Variants in GRM7 observed in about 807,000 individuals in gnomAD.
GRM7 encodes the protein glutamate metabotropic receptor 7.
A neutral mutation model predicts 84.5 loss-of-function variants in GRM7; 35 were observed. The ratio of observed to expected loss-of-function variants is 0.41; its 90% confidence interval spans 0.32 to 0.55. GRM7 has a LOEUF of 0.55. Among genes scored for constraint, GRM7 ranks in the 20% least tolerant of loss-of-function variants. The pLI is 0.19. For synonymous variants in GRM7, 487 were observed against 455.1 expected (o/e 1.07, Z -0.89); for missense variants, 1,003 against 1,194.6 (o/e 0.84, Z 2.36).
At chr3:7,238,967 AT>A (rs1178080026) in intron 2 of GRM7, among the ~76,000 whole-genome samples, 1 of 84,506 alleles carries the variant, frequency 1.2e-5, no homozygotes, top group Non-Finnish European at 2.5e-5. Context: ...TTTTTCTTTT[AT>A]TATTCTTTTC....
At chr3:7,513,289 C>A (rs947777918) in intron 7 of GRM7, among the ~76,000 whole-genome samples, 1 of 152,166 alleles carries the variant, frequency 6.6e-6, no homozygotes, top group Non-Finnish European at 1.5e-5. Context: ...GGATTAAAAT[C>A]ATTGGCAAAG....
At chr3:7,100,812 C>A (rs2125021377) in intron 1 of GRM7, among the ~76,000 whole-genome samples, 1 of 151,882 alleles carries the variant, frequency 6.6e-6, no homozygotes, top group East Asian at 1.9e-4. Flanking sequence ...CCTAAAAAGG[C>A]AAATCGTGTT....
chr3:7,562,251 G>C (rs986662442), intron 7 of GRM7, among the ~76,000 whole-genome samples: 11 of 152,090 alleles, frequency 7.2e-5, no homozygotes, highest in Middle Eastern at 3.4e-3. Context: ...GAAACAGTAT[G>C]CCAGTCAGCA....
chr3:7,395,649 T>C (rs1190191565), intron 4 of GRM7, among the ~76,000 whole-genome samples: 1 of 152,156 alleles, frequency 6.6e-6, no homozygotes, highest in East Asian at 1.9e-4. Flanking sequence ...GTTTTATAAA[T>C]GGGAATTCCC....
intron 2 of GRM7, among the ~76,000 whole-genome samples, chr3:7,290,696 C>T (rs564276196): frequency 5.3e-5 from 8 of 152,248 alleles, no homozygotes; most frequent in African/African-American, 1.9e-4. Flanking sequence ...AGCATAACCT[C>T]TGCTATTTAT....
At chr3:7,287,797 G>A (rs186014391) in intron 2 of GRM7, among the ~76,000 whole-genome samples, 17 of 152,264 alleles carry the variant, frequency 1.1e-4, no homozygotes, top group African/African-American at 3.6e-4. Context: ...CAAGTCTTAA[G>A]AGAGGTAATA....
chr3:7,274,414 CT>C (rs1345402659), intron 2 of GRM7, among the ~76,000 whole-genome samples: 7 of 151,952 alleles, frequency 4.6e-5, no homozygotes, highest in Admixed American at 1.3e-4. Flanking sequence ...TCTAAAAAAA[CT>C]TTTAACATTT....
At chr3:7,066,725 GA>G (rs1225271622) in intron 1 of GRM7, among the ~76,000 whole-genome samples, 2 of 151,766 alleles carry the variant, frequency 1.3e-5, no homozygotes, top group Admixed American at 1.3e-4. Flanking sequence ...AACCAAAAAA[GA>G]AAACTACAGA....
At chr3:7,658,452 C>T (rs1699294677) in intron 8 of GRM7, among the ~76,000 whole-genome samples, 4 of 152,130 alleles carry the variant, frequency 2.6e-5, no homozygotes, top group Non-Finnish European at 4.4e-5. Context: ...TTTTAGTTTG[C>T]CTCATCTTAT....
chr3:7,639,238 A>G lies in GRM7; in HGVS notation c.2452-40811A>G, dbSNP rs536495750. ...CCAGCACCTCTCTAGAGTTTAATAC[A>G]TTTCTGTCACTCCCCTCTCTCTCTG... is the stretch of plus-strand genomic sequence containing the variant. On this transcript the variant is annotated intron_variant, in intron 8 of 9. Coordinates refer to ENST00000357716, the MANE Select transcript of GRM7 (RefSeq NM_000844.4). 2.7e-4 allele frequency among the ~76,000 whole-genome samples: 41 copies of G among 152,164 alleles called. 3 individuals are homozygous for G. Among genetic ancestry groups the G allele is most frequent in the African/African-American group, 9.4e-4 (39 of 41,518 alleles).
chr3:7,297,817 T>C (rs868089181), intron 2 of GRM7, among the ~76,000 whole-genome samples: 4 of 152,198 alleles, frequency 2.6e-5, no homozygotes, highest in Non-Finnish European at 2.9e-5. Context: ...ATATTTCCTC[T>C]ACCCTTTTCA....
chr3:7,203,189 C>A (rs1696123422), intron 2 of GRM7, among the ~76,000 whole-genome samples: 1 of 150,456 alleles, frequency 6.6e-6, no homozygotes, highest in Middle Eastern at 3.2e-3. Flanking sequence ...ACCCATGAAC[C>A]AACCTCTCTT....
At chr3:6,988,060 G>A (rs958666499) in intron 1 of GRM7, among the ~76,000 whole-genome samples, 13 of 146,316 alleles carry the variant, frequency 8.9e-5, no homozygotes, top group African/African-American at 3.3e-4. Flanking sequence ...GCAGTGGCGC[G>A]AACTCGGCTC....
At chr3:7,260,212 C>A (rs1006410335) in intron 2 of GRM7, among the ~76,000 whole-genome samples, 5 of 151,866 alleles carry the variant, frequency 3.3e-5, no homozygotes, top group Admixed American at 2.6e-4. Flanking sequence ...GCATAGTTTG[C>A]AAATATTGTC....
At chr3:7,585,622 T>C (rs1368537261) in intron 8 of GRM7, among the ~76,000 whole-genome samples, 1 of 152,056 alleles carries the variant, frequency 6.6e-6, no homozygotes, top group African/African-American at 2.4e-5. Context: ...CAACAACAGA[T>C]TTTGAATCTT....
chr3:7,042,812 A>T (rs923339378), intron 1 of GRM7, among the ~76,000 whole-genome samples: 7 of 152,184 alleles, frequency 4.6e-5, no homozygotes, highest in South Asian at 4.2e-4. Context: ...TTCCTCCCAA[A>T]TATTGGTCAT....
At chr3:6,930,003 T>C (rs1697446060) in intron 1 of GRM7, among the ~76,000 whole-genome samples, 1 of 152,180 alleles carries the variant, frequency 6.6e-6, no homozygotes, top group African/African-American at 2.4e-5. Context: ...CCAACCCATA[T>C]GTGGCTGTGG....
intron 5 of GRM7, among the ~76,000 whole-genome samples, chr3:7,417,771 A>AC: frequency 6.6e-6 from 1 of 151,234 alleles, no homozygotes; most frequent in South Asian, 2.1e-4. Context: ...AATGTAGGCC[A>AC]TTTTTTTTTC....
chr3:7,594,081 G>A (rs1399139629), intron 8 of GRM7, among the ~76,000 whole-genome samples: 1 of 152,148 alleles, frequency 6.6e-6, no homozygotes, highest in Non-Finnish European at 1.5e-5. Context: ...AATCTTACAG[G>A]TGGTGTCCTA....
Sources: allele counts gnomAD v4.1 joint callset (sites outside exome capture counted in the v4.1 genomes callset), GRCh38; gene constraint gnomAD v4.1.1; transcripts MANE v1.5; gene names NCBI Gene and HGNC (gene_info 2026-07-23, HGNC 2026-07-21).